SHBG: variants seen among roughly 807,000 people sequenced by gnomAD.
The protein encoded by SHBG is sex hormone-binding globulin.
A neutral mutation model predicts 41.9 loss-of-function variants in SHBG; 37 were observed. That is an observed-to-expected ratio of 0.88 (90% CI 0.68 to 1.16). SHBG has a LOEUF of 1.16. Ranked by LOEUF, SHBG falls within the 50% of genes most tolerant of loss-of-function variation. SHBG has a pLI of 0.00. For synonymous variants in SHBG, 217 were observed against 205.8 expected, an observed-to-expected ratio of 1.05 and a Z score of -0.47; for missense variants, 466 against 499.9, an observed-to-expected ratio of 0.93 and a Z score of 0.65.
intron 6 of SHBG, 134 bp downstream of exon 6, chr17:7,632,149 T>C (rs2072439480): frequency 1.0e-6 from 1 of 996,408 alleles, no homozygotes; most frequent in East Asian, 2.4e-5. Flanking sequence ...CACAGAATTG[T>C]TTTTCATTAA....
At chr17:7,622,195 ACT>A (rs2072110629) in intron 1 of SHBG, among the ~76,000 whole-genome samples, 1 of 148,926 alleles carries the variant, frequency 6.7e-6, no homozygotes, top group Admixed American at 6.7e-5. Context: ...AATACCCTCC[ACT>A]CTGTTTCCCT....
chr17:7,631,688 G>A lies in SHBG; in HGVS notation c.655G>A (p.Val219Ile). The A allele has an allele frequency of 6.2e-7, 1 of 1,614,164 alleles. No homozygotes were observed. Among genetic ancestry groups the A allele is most frequent in the Non-Finnish European group, 8.5e-7 (1 of 1,179,992 alleles). ...SAPTSLRSCD[V>I]ESNPGIFLPP... The stretch of plus-strand genomic sequence containing the variant: ...CCCCACTAGCCTCAGAAGCTGTGAT[G>A]TAGAATCAAATCCCGGGATATTTCT... The change falls in exon 5 of 8, where the codon GTA (valine) becomes ATA (isoleucine). Residue 219 changes from valine (V) to isoleucine (I), a missense_variant. Physicochemically the swap from Val to Ile is conservative, Grantham distance 29. Coordinates refer to ENST00000380450, the MANE Select transcript of SHBG (RefSeq NM_001040.5).
upstream of SHBG, chr17:7,627,853 C>T (rs2072271586): frequency 1.5e-6 from 1 of 655,960 alleles, no homozygotes; most frequent in Non-Finnish European, 2.8e-6. The surrounding 1 kb of genome is among the most constrained non-coding windows in gnomAD (Gnocchi z 4.8). Flanking sequence ...TCTGTCCGGG[C>T]ATAGCCCCAC....
chr17:7,615,831 C>G (rs1043203599), intron 1 of SHBG, among the ~76,000 whole-genome samples: 1 of 136,112 alleles, frequency 7.3e-6, no homozygotes, highest in Non-Finnish European at 1.6e-5. Context: ...AAGACTCAGT[C>G]TCAAAAAAAA....
intron 6 of SHBG, 105 bp from the exon 7 acceptor site, chr17:7,632,646 CA>C: frequency 1.2e-6 from 1 of 867,414 alleles, no homozygotes; most frequent in Non-Finnish European, 1.9e-6. Context: ...TAGGTGGAGG[CA>C]TAGCGAAGAG....
chr17:7,632,702 G>A (rs377142890), intron 6 of SHBG, 50 bp from the exon 7 acceptor site: 18 of 1,452,892 alleles, frequency 1.2e-5, no homozygotes, highest in African/African-American at 7.0e-5. Flanking sequence ...CAGTAGGCCC[G>A]GCTCATTCTT....
chr17:7,631,948 C>T lies in SHBG; in HGVS notation c.785C>T (p.Ser262Leu). The T allele has an allele frequency of 1.9e-6, 3 of 1,614,038 alleles. No homozygotes were observed. The highest frequency in any genetic ancestry group is 2.2e-5 in the East Asian group (1 of 44,880). Residue 262 changes from serine (S) to leucine (L), a missense_variant, in exon 6 of 8, where the codon TCA becomes TTA. Ser to Leu is a moderately radical substitution (Grantham distance 145). Transcript: ENST00000380450. ...CTGGGACTCAAGCAGGCAGCAGGCTCAGGCCACCTCCTTGCTCTTGGGACA... is the reference window on the plus strand; with the variant it reads ...CTGGGACTCAAGCAGGCAGCAGGCTTAGGCCACCTCCTTGCTCTTGGGACA... ...LDLGLKQAAG[S>L]GHLLALGTPE...
chr17:7,627,667 A>C, upstream of SHBG: 1 of 1,613,752 alleles, frequency 6.2e-7, no homozygotes, highest in Non-Finnish European at 8.5e-7. The surrounding 1 kb of genome is among the most constrained non-coding windows in gnomAD (Gnocchi z 4.8). Context: ...CCAAAGTCCC[A>C]GGGCCTCGCA....
At chr17:7,627,340 G>T (rs372422201), upstream of SHBG, 3 of 1,614,142 alleles carry the variant, frequency 1.9e-6, no homozygotes, top group Admixed American at 3.3e-5. This position sits in a 1 kb window ranked among gnomAD's most constrained non-coding sequence, Gnocchi z 4.8. Flanking sequence ...GCCTCCGCCA[G>T]AACCTGGGCG....
rs1337041361 is a variant in SHBG, at chr17:7,622,584, A to C, written c.-61-7834A>C. On this transcript the variant is annotated intron_variant, in intron 1 of 5. Transcript: ENST00000570547. ...CACTGCGCCTGGCCTGGCCAGGATC[A>C]TTTTATAGATGGCTAATGAAGTGAT... Among the ~76,000 whole-genome samples the C allele has an allele frequency of 5.3e-5, 8 of 151,934 alleles. No individual in the cohort carries two copies. In the East Asian group the frequency reaches 1.6e-3, roughly 30 times the overall value.
Position 7,630,300 on chromosome 17 carries a change from G to A in SHBG, c.111+17G>A. 1 of 1,604,432 alleles carries A rather than the reference G, an allele frequency of 6.2e-7. No individual in the cohort carries two copies. Among genetic ancestry groups the A allele is most frequent in the Non-Finnish European group, 8.5e-7 (1 of 1,172,610 alleles). Reference sequence around the variant, plus strand: ...CCCACCCAGGTGCAGGAGCGGGACAGGGCACTCAGCTCATGCAGTCTTCCC... The same window carrying A: ...CCCACCCAGGTGCAGGAGCGGGACAAGGCACTCAGCTCATGCAGTCTTCCC... On this transcript the variant is annotated intron_variant, in intron 1 of 7. Transcript: ENST00000380450. The surrounding 1 kb of genome is among the most constrained non-coding windows in gnomAD (Gnocchi z 4.6).
In SHBG at chr17:7,615,193, C is replaced by T. The variant is rs553972906; in HGVS notation, c.-62+1082C>T. Among the ~76,000 whole-genome samples the T allele has an allele frequency of 4.5e-4, 69 of 152,260 alleles. No individual in the cohort carries two copies. The South Asian group carries it at 0.013, about 29-fold the overall frequency. ...GGGCTCGCTCAGTCCGATTGGGCGG[C>T]GTCCGCACAGTCACACAGCGCTCAG... On this transcript the variant is annotated intron_variant, in intron 1 of 5. Coordinates refer to the SHBG transcript ENST00000570547.
chr17:7,626,645 G>A (rs565876597), upstream of SHBG: 2 of 1,610,610 alleles, frequency 1.2e-6, no homozygotes, highest in African/African-American at 1.3e-5. Context: ...AACTTTTCTG[G>A]GGTCAAAAAA....
Position 7,630,626 on chromosome 17 carries a change from C to T in SHBG, c.204-54C>T. 6.4e-7 allele frequency: 1 copy of T among 1,567,112 alleles called. No individual in the cohort carries two copies. ...GAACACCATCTCCCCCAAACCCACA[C>T]TGGTTCTCAAAGGACACATGACATA... On this transcript the variant is annotated intron_variant, in intron 2 of 7. Coordinates refer to ENST00000380450, the MANE Select transcript of SHBG (RefSeq NM_001040.5). This position sits in a 1 kb window ranked among gnomAD's most constrained non-coding sequence, Gnocchi z 4.6.
At chr17:7,621,918 C>A (rs1414250760) in intron 1 of SHBG, among the ~76,000 whole-genome samples, 1 of 151,414 alleles carries the variant, frequency 6.6e-6, no homozygotes, top group East Asian at 2.0e-4. Flanking sequence ...CTCACTGCAA[C>A]CTCCGCCTCC....
upstream of SHBG, chr17:7,628,135 A>G (rs73979515): frequency 2.0e-3 from 921 of 459,054 alleles, 8 homozygotes; most frequent in African/African-American, 0.016. Context: ...AGGCTCACTC[A>G]CCCGCCCAGA....
chr17:7,616,451 C>CAAAAAAAA (rs71159512), intron 1 of SHBG, among the ~76,000 whole-genome samples: 374 of 101,318 alleles, frequency 3.7e-3, no homozygotes, highest in African/African-American at 0.011. Flanking sequence ...ACTAAAAATA[C>CAAAAAAAA]AAAAAAAAAA....
At chr17:7,631,841 C>T (rs772284699) in intron 5 of SHBG, 38 bp from the exon 6 acceptor site, 2 of 1,613,964 alleles carry the variant, frequency 1.2e-6, no homozygotes, top group Non-Finnish European at 1.7e-6. Flanking sequence ...CTTGAGACCC[C>T]AGCTTTGAGG....
chr17:7,627,872 A>G, upstream of SHBG: 1 of 636,588 alleles, frequency 1.6e-6, no homozygotes, highest in South Asian at 1.7e-5. This position sits in a 1 kb window ranked among gnomAD's most constrained non-coding sequence, Gnocchi z 4.8. Flanking sequence ...ACCCCCTCGA[A>G]TTCTGTCGCA....
Sources: gnomAD v4.1 joint callset for allele counts (sites outside exome capture counted in the v4.1 genomes callset) on GRCh38, gnomAD v4.1.1 for gene constraint, Gnocchi (gnomAD v3.1) non-coding constraint, MANE v1.5 for transcripts, NCBI Gene and HGNC (gene_info 2026-07-23, HGNC 2026-07-21) for gene names.